The following OPRM1 variants were observed in gnomAD, a reference collection of about 807,000 sequenced individuals.
OPRM1 encodes the protein mu-type opioid receptor.
A neutral mutation model predicts 31.8 loss-of-function variants in OPRM1; 27 were observed. The observed-to-expected ratio is 0.85, with a 90% CI of 0.63 to 1.17. OPRM1 has a LOEUF of 1.17. Ranked by LOEUF, OPRM1 falls within the 50% of genes most tolerant of loss-of-function variation. The probability of loss-of-function intolerance (pLI) is 0.00; values close to 1 mark genes in which losing one functional copy is unlikely to be tolerated. For missense variants in OPRM1, 536 were observed against 511.1 expected, an observed-to-expected ratio of 1.05 and a Z score of -0.47; for synonymous variants, 196 against 189.9, an observed-to-expected ratio of 1.03 and a Z score of -0.26.
At chr6:154,069,047 G>A (rs1786076290) in intron 1 of OPRM1, among the ~76,000 whole-genome samples, 1 of 151,974 alleles carries the variant, frequency 6.6e-6, no homozygotes. Context: ...TTGTTAATTA[G>A]GTTATTTGCT....
At chr6:154,096,353 T>C (rs532452352) in intron 3 of OPRM1, among the ~76,000 whole-genome samples, 2 of 152,246 alleles carry the variant, frequency 1.3e-5, no homozygotes, top group South Asian at 4.2e-4. Flanking sequence ...AGCCCCTGTG[T>C]CTGGCCTCTA....
chr6:154,104,433 G>A (rs1306219426), intron 3 of OPRM1, among the ~76,000 whole-genome samples: 2 of 152,198 alleles, frequency 1.3e-5, no homozygotes, highest in Admixed American at 6.5e-5. Flanking sequence ...CTGATATGGG[G>A]TTGTTAGCTG....
intron 1 of OPRM1, among the ~76,000 whole-genome samples, chr6:154,045,633 C>T (rs1277447261): frequency 1.3e-5 from 2 of 152,226 alleles, no homozygotes; most frequent in Non-Finnish European, 1.5e-5. Flanking sequence ...TGTCCTTCAC[C>T]TCGCCTTCTA....
intron 3 of OPRM1, chr6:154,107,881 A>C (rs1163652698): frequency 5.9e-6 from 4 of 679,170 alleles, no homozygotes; most frequent in Admixed American, 2.5e-5. Context: ...CACAAAATAC[A>C]CCAGCTTAAA....
intron 3 of OPRM1, among the ~76,000 whole-genome samples, chr6:154,097,445 A>G (rs1321052731): frequency 6.6e-6 from 1 of 152,160 alleles, no homozygotes; most frequent in Non-Finnish European, 1.5e-5. Context: ...TGGGAAAGTA[A>G]TTGTTTCAAT....
chr6:154,061,971 C>T (rs1784518104), intron 1 of OPRM1, among the ~76,000 whole-genome samples: 1 of 152,112 alleles, frequency 6.6e-6, no homozygotes, highest in Non-Finnish European at 1.5e-5. Flanking sequence ...TGCTTTAATA[C>T]ATAAAGCTCA....
At chr6:154,115,723 G>C (rs763408596) in intron 3 of OPRM1, among the ~76,000 whole-genome samples, 1 of 152,230 alleles carries the variant, frequency 6.6e-6, no homozygotes, top group Non-Finnish European at 1.5e-5. Context: ...TTCTGAGGGG[G>C]TGATCTGCCC....
upstream of OPRM1, among the ~76,000 whole-genome samples, chr6:154,034,818 G>A (rs73026607): frequency 6.6e-6 from 1 of 152,092 alleles, no homozygotes; most frequent in Non-Finnish European, 1.5e-5. Flanking sequence ...ATAGAAATGA[G>A]GTTCCAGATT....
intron 3 of OPRM1, among the ~76,000 whole-genome samples, chr6:154,114,021 AG>A (rs1360793993): frequency 6.6e-6 from 1 of 151,982 alleles, no homozygotes; most frequent in Non-Finnish European, 1.5e-5. Flanking sequence ...GGAGTTGAAA[AG>A]GGCCCCCTAG....
intron 1 of OPRM1, among the ~76,000 whole-genome samples, chr6:154,023,404 A>G (rs932303829): frequency 1.3e-5 from 2 of 152,164 alleles, no homozygotes; most frequent in Non-Finnish European, 2.9e-5. Flanking sequence ...TTGATTTTGT[A>G]TCATGAAACT....
intron 3 of OPRM1, among the ~76,000 whole-genome samples, chr6:154,163,155 GT>G (rs957775450): frequency 5.9e-5 from 9 of 152,200 alleles, no homozygotes; most frequent in African/African-American, 2.2e-4. Flanking sequence ...AGAAGCTGGT[GT>G]TTGCAATGGC....
In OPRM1 at chr6:154,180,232, T is replaced by C. The variant is rs971353842; in HGVS notation, c.1165-66461T>C. Among the ~76,000 whole-genome samples, 4 of 152,136 alleles carry C rather than the reference T, an allele frequency of 2.6e-5. No homozygotes were observed. The East Asian group carries it at 5.8e-4, about 22-fold the overall frequency. ...TTGAGTTGGTGCGAATTTGGGTTAA[T>C]GTCAGTGACCCTTCACTTTTGTTAG... is the stretch of plus-strand genomic sequence containing the variant. On this transcript the variant is annotated intron_variant, in intron 3 of 3. Coordinates refer to the OPRM1 transcript ENST00000337049.
intron 1 of OPRM1, among the ~76,000 whole-genome samples, chr6:154,033,581 C>T (rs1779126052): frequency 6.6e-6 from 1 of 152,082 alleles, no homozygotes; most frequent in African/African-American, 2.4e-5. Context: ...GAGAGTTGTA[C>T]AGAGATAAGA....
chr6:154,205,855 T>A lies in OPRM1; in HGVS notation c.1165-40838T>A, dbSNP rs184424967. Among the ~76,000 whole-genome samples the A allele has an allele frequency of 1.5e-3, 233 of 152,114 alleles. 1 individual carries two copies. Among genetic ancestry groups the A allele is most frequent in the African/African-American group, 5.3e-3 (218 of 41,506 alleles). On this transcript the variant is annotated intron_variant, in intron 3 of 3. Transcript: ENST00000337049. ...TTCTAACACATCATAAAGTTTTGTA[T>A]CTCCATGCTTCTGCTTGTGTTCCTC...
At position 154,128,805 on chromosome 6, in the gene OPRM1, T is replaced by C. The variant is rs1242764862; in HGVS notation, c.*10084T>C. On this transcript the variant is annotated 3_prime_UTR_variant, in exon 4 of 4. Transcript: ENST00000330432. Reference sequence around the variant, plus strand: ...GGGAACTGCCAGGTAATAGCTATGCTATTTCTGACATAAATTTAAAAACTA... The same window carrying C: ...GGGAACTGCCAGGTAATAGCTATGCCATTTCTGACATAAATTTAAAAACTA... 6.6e-6 allele frequency among the ~76,000 whole-genome samples: 1 copy of C among 152,242 alleles called. No individual in the cohort carries two copies. The highest frequency in any genetic ancestry group is 2.4e-5 in the African/African-American group (1 of 41,464).
intron 1 of OPRM1, among the ~76,000 whole-genome samples, chr6:154,069,088 T>C (rs1283446902): frequency 1.3e-5 from 2 of 152,248 alleles, no homozygotes; most frequent in Non-Finnish European, 2.9e-5. Flanking sequence ...GAGCTTCTTA[T>C]GTATTTTGGA....
At chr6:154,105,081 C>G (rs1361576794) in intron 3 of OPRM1, among the ~76,000 whole-genome samples, 1 of 152,172 alleles carries the variant, frequency 6.6e-6, no homozygotes, top group African/African-American at 2.4e-5. Flanking sequence ...CAGTCAAAGC[C>G]TTGGTAAGAT....
intron 3 of OPRM1, among the ~76,000 whole-genome samples, chr6:154,243,529 G>T (rs1780768016): frequency 6.6e-6 from 1 of 152,160 alleles, no homozygotes; most frequent in Non-Finnish European, 1.5e-5. Context: ...GGTGAGGCTG[G>T]TCTTCCCAGG....
chr6:154,088,660 A>C (rs1443493831), intron 1 of OPRM1, among the ~76,000 whole-genome samples: 3 of 152,216 alleles, frequency 2.0e-5, no homozygotes, highest in Non-Finnish European at 2.9e-5. Context: ...AAGCTTATCA[A>C]ATTGTATACT....
Sources: gnomAD v4.1 joint callset for allele counts (sites outside exome capture counted in the v4.1 genomes callset) on GRCh38, gnomAD v4.1.1 for gene constraint, MANE v1.5 for transcripts, NCBI Gene and HGNC (gene_info 2026-07-23, HGNC 2026-07-21) for gene names.